The following ROBO2 variants were observed in gnomAD, a reference collection of about 807,000 sequenced individuals.
ROBO2 encodes the protein roundabout guidance receptor 2.
Under a neutral mutation model 160.8 loss-of-function variants are expected in ROBO2, and 53 were observed. The observed-to-expected ratio is 0.33, with a 90% CI of 0.26 to 0.41. The LOEUF (loss-of-function observed/expected upper bound fraction) is 0.41, where lower values mean the gene tolerates loss of function less well. Among genes scored for constraint, ROBO2 ranks in the 10% least tolerant of loss-of-function variants. The probability of loss-of-function intolerance (pLI) is 1.00; values close to 1 mark genes in which losing one functional copy is unlikely to be tolerated. For synonymous variants in ROBO2, 664 were observed against 611.7 expected (o/e 1.09, Z -1.26); for missense variants, 1,577 against 1,722.4 (o/e 0.92, Z 1.49).
At chr3:76,266,641 T>C (rs6796692) in intron 2 of ROBO2, among the ~76,000 whole-genome samples, 126,286 of 152,076 alleles carry the variant, frequency 0.83, 53,485 homozygotes, top group East Asian at 0.95. Flanking sequence ...TTATTATGAA[T>C]GTTCTGAAAG....
At chr3:75,949,910 T>C (rs1187729822) in intron 2 of ROBO2, among the ~76,000 whole-genome samples, 1 of 152,132 alleles carries the variant, frequency 6.6e-6, no homozygotes, top group African/African-American at 2.4e-5. Flanking sequence ...CATTTTTGTA[T>C]GCTAAATCAT....
At chr3:76,497,501 C>A (rs138466707) in intron 2 of ROBO2, among the ~76,000 whole-genome samples, 2 of 152,174 alleles carry the variant, frequency 1.3e-5, no homozygotes, top group Non-Finnish European at 2.9e-5. Context: ...GGGCAATGTC[C>A]CATTTTTAAA....
intron 2 of ROBO2, among the ~76,000 whole-genome samples, chr3:77,268,258 C>G (rs868368881): frequency 6.6e-6 from 1 of 151,828 alleles, no homozygotes; most frequent in African/African-American, 2.4e-5. Context: ...AACATATGCT[C>G]AATGAAAAAA....
chr3:76,151,798 T>C (rs538351265), intron 2 of ROBO2, among the ~76,000 whole-genome samples: 120 of 152,270 alleles, frequency 7.9e-4, no homozygotes, highest in African/African-American at 1.6e-3. Flanking sequence ...ATTTCTGTCT[T>C]TGTTATTATT....
intron 2 of ROBO2, among the ~76,000 whole-genome samples, chr3:76,897,889 T>C (rs866449969): frequency 2.8e-4 from 42 of 152,290 alleles, no homozygotes; most frequent in African/African-American, 9.9e-4. Flanking sequence ...GAACAATTAA[T>C]GATCAACAAC....
chr3:76,449,465 A>C (rs1006596299), intron 2 of ROBO2, among the ~76,000 whole-genome samples: 5 of 152,068 alleles, frequency 3.3e-5, no homozygotes, highest in African/African-American at 1.2e-4. Flanking sequence ...TTGCTACCCT[A>C]CATGCTGGGG....
chr3:76,182,861 G>T (rs1225199896), intron 2 of ROBO2, among the ~76,000 whole-genome samples: 1 of 152,080 alleles, frequency 6.6e-6, no homozygotes, highest in Non-Finnish European at 1.5e-5. Flanking sequence ...TATAATATTT[G>T]AACCAGCTTT....
chr3:77,502,835 G>A (rs1205552376), intron 5 of ROBO2, among the ~76,000 whole-genome samples: 1 of 152,232 alleles, frequency 6.6e-6, no homozygotes, highest in African/African-American at 2.4e-5. Flanking sequence ...GACGTCCTCA[G>A]CTTTTGGTAT....
At chr3:76,646,132 G>T (rs2090958440) in intron 2 of ROBO2, among the ~76,000 whole-genome samples, 1 of 152,128 alleles carries the variant, frequency 6.6e-6, no homozygotes, top group Non-Finnish European at 1.5e-5. Context: ...GAGTCAATTG[G>T]TGCTAAGTTT....
intron 2 of ROBO2, among the ~76,000 whole-genome samples, chr3:77,250,302 C>A (rs1406401347): frequency 6.6e-6 from 1 of 152,168 alleles, no homozygotes; most frequent in Non-Finnish European, 1.5e-5. Flanking sequence ...TTTGAGGATT[C>A]CGTCTGGTAT....
intron 2 of ROBO2, among the ~76,000 whole-genome samples, chr3:77,405,301 T>C (rs2076166957): frequency 6.6e-6 from 1 of 152,160 alleles, no homozygotes; most frequent in Non-Finnish European, 1.5e-5. Flanking sequence ...ACAGTAAAAA[T>C]GTAGAGAATA....
At chr3:76,648,746 G>A (rs1315800570) in intron 2 of ROBO2, among the ~76,000 whole-genome samples, 1 of 151,476 alleles carries the variant, frequency 6.6e-6, no homozygotes, top group Non-Finnish European at 1.5e-5. Flanking sequence ...TTTCACTTTG[G>A]GTTTGAAATA....
rs574168803 is a variant in ROBO2 at position 77,546,260 on chromosome 3, G to A, written c.935-78G>A. 6.2e-5 allele frequency: 92 copies of A among 1,487,804 alleles called. No individual in the cohort carries two copies. In the African/African-American group the frequency reaches 1.0e-3, roughly 17 times the overall value. The allele number at this position is 1,487,804 out of a possible 1,614,324, so 92.2% of individuals were successfully genotyped here. A position where few individuals can be genotyped will look rare whatever the true frequency, so the allele number is the denominator to read the frequency against. On this transcript the variant is annotated intron_variant, in intron 6 of 25. Transcript: ENST00000461745. ...TCTCTGGCACTGAACAGTCAACATAGTACCATATTTTCTCCTTGACATATT... is the reference window on the plus strand; with the variant it reads ...TCTCTGGCACTGAACAGTCAACATAATACCATATTTTCTCCTTGACATATT...
At chr3:76,119,916 C>CCTT (rs2070661295) in intron 2 of ROBO2, among the ~76,000 whole-genome samples, 47 of 88,178 alleles carry the variant, frequency 5.3e-4, no homozygotes, top group Non-Finnish European at 3.7e-4. Flanking sequence ...TTCCCTCCCT[C>CCTT]CCTTCCTTCC....
intron 2 of ROBO2, among the ~76,000 whole-genome samples, chr3:76,724,504 T>A (rs779418992): frequency 6.6e-6 from 1 of 152,222 alleles, no homozygotes; most frequent in Non-Finnish European, 1.5e-5. Flanking sequence ...GTCAGCTCTC[T>A]GCTCTATTCT....
At chr3:75,975,852 A>G (rs1416048682) in intron 2 of ROBO2, among the ~76,000 whole-genome samples, 5 of 151,614 alleles carry the variant, frequency 3.3e-5, no homozygotes, top group Non-Finnish European at 7.4e-5. Context: ...CTAATGGGAG[A>G]CAGGAAGTAG....
chr3:76,851,741 C>CAAAAAAAAAAAAAAAAAAAAAAAA, intron 2 of ROBO2, among the ~76,000 whole-genome samples: 1 of 63,252 alleles, frequency 1.6e-5, no homozygotes, highest in East Asian at 6.3e-4. Context: ...GACTCCGTCT[C>CAAAAAAAAAAAAAAAAAAAAAAAA]AAAAAAAAAA....
intron 2 of ROBO2, among the ~76,000 whole-genome samples, chr3:76,470,102 A>C (rs961446480): frequency 1.3e-5 from 2 of 152,048 alleles, no homozygotes; most frequent in African/African-American, 4.8e-5. Flanking sequence ...GCTCCATTCC[A>C]TTGTCTTACA....
intron 2 of ROBO2, among the ~76,000 whole-genome samples, chr3:77,400,573 T>C (rs757020147): frequency 6.6e-5 from 10 of 152,232 alleles, no homozygotes; most frequent in Non-Finnish European, 1.2e-4. Flanking sequence ...TGTTTTAACA[T>C]ATTTAATTTC....
Sources: allele counts gnomAD v4.1 joint callset (sites outside exome capture counted in the v4.1 genomes callset), GRCh38; gene constraint gnomAD v4.1.1; transcripts MANE v1.5; gene names NCBI Gene and HGNC (gene_info 2026-07-23, HGNC 2026-07-21).